UTS2: variants seen among roughly 807,000 people sequenced by gnomAD.
UTS2 encodes urotensin 2.
A neutral mutation model predicts 12.6 loss-of-function variants in UTS2; 10 were observed. The observed-to-expected ratio is 0.80, with a 90% CI of 0.49 to 1.35. The LOEUF (loss-of-function observed/expected upper bound fraction) is 1.35, where lower values mean the gene tolerates loss of function less well. Ranked by LOEUF, UTS2 falls within the 40% of genes most tolerant of loss-of-function variation. The pLI, the probability that UTS2 is intolerant of heterozygous loss-of-function variation, is 0.00. For missense variants in UTS2, 142 were observed against 143.2 expected (o/e 0.99, Z 0.04); for synonymous variants, 52 against 50.0 (o/e 1.04, Z -0.17).
chr1:7,902,887 A>G, the UTS2 span, among the ~76,000 whole-genome samples: 1 of 152,168 alleles, frequency 6.6e-6, no homozygotes, highest in Non-Finnish European at 1.5e-5. Context: ...TTCCGCGCTC[A>G]GAGCCTTCCC....
the UTS2 span, among the ~76,000 whole-genome samples, chr1:7,889,639 TACTAAA>T: frequency 1.3e-5 from 2 of 151,830 alleles, no homozygotes; most frequent in Non-Finnish European, 2.9e-5. Flanking sequence ...ACCCAATCTC[TACTAAA>T]AATACAAAAA....
chr1:7,906,466 A>AGAAAGAAG, the UTS2 span, among the ~76,000 whole-genome samples: 1 of 145,242 alleles, frequency 6.9e-6, no homozygotes, highest in Admixed American at 6.8e-5. Flanking sequence ...AAAGAAAGAA[A>AGAAAGAAG]GAAAGAAAGA....
the UTS2 span, among the ~76,000 whole-genome samples, chr1:7,871,646 G>T: frequency 7.2e-5 from 11 of 151,892 alleles, no homozygotes; most frequent in African/African-American, 2.4e-4. Flanking sequence ...TTTTTCCAGC[G>T]GCATGTGCTC....
the UTS2 span, among the ~76,000 whole-genome samples, chr1:7,894,831 T>C: frequency 6.6e-6 from 1 of 151,426 alleles, no homozygotes; most frequent in Non-Finnish European, 1.5e-5. Context: ...ACACAAAAAT[T>C]AGCCGGGAGT....
At chr1:7,890,697 G>T in the UTS2 span, among the ~76,000 whole-genome samples, 4 of 137,810 alleles carry the variant, frequency 2.9e-5, no homozygotes, top group African/African-American at 1.1e-4. Context: ...TTGGAGATCA[G>T]CCTGGACAAC....
the UTS2 span, among the ~76,000 whole-genome samples, chr1:7,911,900 CAAA>C: frequency 0.42 from 55,572 of 133,560 alleles, 11,624 homozygotes; most frequent in South Asian, 0.69. Flanking sequence ...GACTCTGTCT[CAAA>C]AAAAAAAAAA....
chr1:7,890,862 A>AAAC, the UTS2 span, among the ~76,000 whole-genome samples: 1 of 142,058 alleles, frequency 7.0e-6, no homozygotes, highest in African/African-American at 2.6e-5. Context: ...AAAAAAAAAA[A>AAAC]CCTAACCACT....
the UTS2 span, among the ~76,000 whole-genome samples, chr1:7,870,933 T>C: frequency 6.6e-6 from 1 of 152,192 alleles, no homozygotes; most frequent in African/African-American, 2.4e-5. Context: ...AAAGGACTTA[T>C]AATGTCTGGG....
chr1:7,902,634 C>T, the UTS2 span, among the ~76,000 whole-genome samples: 1 of 152,090 alleles, frequency 6.6e-6, no homozygotes, highest in Non-Finnish European at 1.5e-5. Flanking sequence ...GCTATGTTGG[C>T]CAGGCTGGTC....
At chr1:7,877,151 A>C in the UTS2 span, among the ~76,000 whole-genome samples, 2 of 146,716 alleles carry the variant, frequency 1.4e-5, no homozygotes, top group Non-Finnish European at 3.0e-5. Context: ...AAGAAAAAAA[A>C]AAGAAACATG....
upstream of UTS2, among the ~76,000 whole-genome samples, chr1:7,857,852 GAA>G (rs3034103): frequency 0.16 from 18,607 of 118,742 alleles, 1,243 homozygotes; most frequent in Middle Eastern, 0.27. Flanking sequence ...CCAGTCTCCA[GAA>G]AAAAAAAAAA....
chr1:7,894,641 T>C, the UTS2 span, among the ~76,000 whole-genome samples: 1 of 151,924 alleles, frequency 6.6e-6, no homozygotes, highest in Non-Finnish European at 1.5e-5. Flanking sequence ...ATTCCAGGGG[T>C]AGAGGCCCAT....
chr1:7,884,051 T>C, the UTS2 span, among the ~76,000 whole-genome samples: 1 of 152,102 alleles, frequency 6.6e-6, no homozygotes, highest in African/African-American at 2.4e-5. Context: ...TGGCCTCAGG[T>C]GATCCACCTG....
chr1:7,855,682 CATTATTATT>C (rs35860049), upstream of UTS2, among the ~76,000 whole-genome samples: 8 of 147,630 alleles, frequency 5.4e-5, no homozygotes, highest in East Asian at 1.2e-3. Flanking sequence ...CACATCTGGC[CATTATTATT>C]ATTATTATTA....
intron 2 of UTS2, among the ~76,000 whole-genome samples, chr1:7,850,287 T>A (rs2097412664): frequency 6.6e-6 from 1 of 152,086 alleles, no homozygotes; most frequent in Admixed American, 6.5e-5. Context: ...CAATTTTGTT[T>A]CCAGAACTTC....
upstream of UTS2, among the ~76,000 whole-genome samples, chr1:7,856,148 ATTTATCC>A (rs1208904061): frequency 6.6e-6 from 1 of 151,898 alleles, no homozygotes; most frequent in Non-Finnish European, 1.5e-5. Flanking sequence ...TATTTTATGT[ATTTATCC>A]TTTATAGTAG....
the UTS2 span, among the ~76,000 whole-genome samples, chr1:7,884,756 C>T: frequency 8.0e-4 from 122 of 152,124 alleles, no homozygotes; most frequent in African/African-American, 2.7e-3. Context: ...CTCCATCTTT[C>T]GCCATCCATC....
At chr1:7,906,479 G>GAAAGAAAGAAAGAAAGAA in the UTS2 span, among the ~76,000 whole-genome samples, 1 of 124,976 alleles carries the variant, frequency 8.0e-6, no homozygotes, top group Admixed American at 8.7e-5. Flanking sequence ...AAGAAAGAAA[G>GAAAGAAAGAAAGAAAGAA]AAAGAAAGAA....
the UTS2 span, among the ~76,000 whole-genome samples, chr1:7,906,604 A>G: frequency 2.0e-5 from 3 of 152,252 alleles, 1 homozygote; most frequent in Admixed American, 6.5e-5. Flanking sequence ...ATACTTGCAC[A>G]CAGAAACTCT....
Sources: allele counts gnomAD v4.1 joint callset (sites outside exome capture counted in the v4.1 genomes callset), GRCh38; gene constraint gnomAD v4.1.1; transcripts MANE v1.5; gene names NCBI Gene and HGNC (gene_info 2026-07-23, HGNC 2026-07-21).